DCX: variants seen among roughly 807,000 people sequenced by gnomAD.
The protein encoded by DCX is neuronal migration protein doublecortin.
Under a neutral mutation model 20.9 loss-of-function variants are expected in DCX, and 4 were observed. That is an observed-to-expected ratio of 0.19 (90% confidence interval 0.09 to 0.44). The LOEUF (loss-of-function observed/expected upper bound fraction) is 0.44, where lower values mean the gene tolerates loss of function less well. Ranked by LOEUF, DCX falls within the 20% of genes least tolerant of loss-of-function variation. DCX has a pLI of 0.99. For synonymous variants in DCX, 103 were observed against 111.4 expected, an observed-to-expected ratio of 0.92 and a Z score of 0.47; for missense variants, 133 against 296.9, an observed-to-expected ratio of 0.45 and a Z score of 4.06.
intron 5 of DCX, among the ~76,000 whole-genome samples, chrX:111,313,683 T>C (rs1186513390): frequency 1.8e-5 from 2 of 112,170 alleles, no homozygotes; most frequent in African/African-American, 6.5e-5. Flanking sequence ...ATGAGCTTTT[T>C]AATATCCAAT....
At position 111,296,767 on chromosome X, in the gene DCX, A is replaced by G. The variant is rs1387358494; in HGVS notation, c.*4920T>C. ...TAGGTGACAGAGGGAGACTCAGTCA[A>G]AAAAAAAAAAAAAAAAAAGTTAGTC... On this transcript the variant is annotated 3_prime_UTR_variant, in exon 7 of 7. Transcript: ENST00000636035. The G allele has an allele frequency of 9.7e-6, 1 of 102,794 alleles. No homozygotes were observed. Among genetic ancestry groups the G allele is most frequent in the Admixed American group, 1.0e-4 (1 of 9,559 alleles). The allele number at this position is 102,794 out of a possible 1,213,427, so 8.5% of individuals were successfully genotyped here.
intron 3 of DCX, among the ~76,000 whole-genome samples, chrX:111,360,180 A>T (rs922572421): frequency 1.1e-4 from 12 of 112,102 alleles, no homozygotes; most frequent in African/African-American, 3.2e-4. Flanking sequence ...AATAGCAAAG[A>T]CTTAGAAGCA....
At chrX:111,353,751 C>T (rs1923510365) in intron 3 of DCX, among the ~76,000 whole-genome samples, 3 of 111,564 alleles carry the variant, frequency 2.7e-5, no homozygotes, top group Admixed American at 9.5e-5. Context: ...TCAGCCACCA[C>T]GGTAACTGTT....
chrX:111,327,451 C>T (rs1381647117), intron 5 of DCX, among the ~76,000 whole-genome samples: 1 of 111,926 alleles, frequency 8.9e-6, no homozygotes, highest in Non-Finnish European at 1.9e-5. Context: ...AAATTTATGC[C>T]ATATGAAAAG....
chrX:111,408,682 GAAAGAAAGAAA>G (rs1928446700), intron 2 of DCX, among the ~76,000 whole-genome samples: 1 of 109,792 alleles, frequency 9.1e-6, no homozygotes, highest in African/African-American at 3.3e-5. Flanking sequence ...AAGAAAGAAA[GAAAGAAAGAAA>G]GGAAGGAAGT....
intron 3 of DCX, among the ~76,000 whole-genome samples, chrX:111,342,885 C>T (rs928450304): frequency 9.0e-6 from 1 of 111,162 alleles, no homozygotes; most frequent in Non-Finnish European, 1.9e-5. Flanking sequence ...AAAGAGACTA[C>T]GTACCAGAAT....
rs1745933447 is a variant in DCX, at chrX:111,297,238, C to A, written c.*4449G>T. On this transcript the variant is annotated 3_prime_UTR_variant, in exon 7 of 7. Transcript: ENST00000636035. Reference sequence around the variant, plus strand: ...TAAAAGAAGTCGTTCAAACCACTGTCCCAGTGTTTCTATCTGGGGAAGTCT... The same window carrying A: ...TAAAAGAAGTCGTTCAAACCACTGTACCAGTGTTTCTATCTGGGGAAGTCT... The A allele has an allele frequency of 8.9e-6, 1 of 112,204 alleles. No homozygotes were observed. Among genetic ancestry groups the A allele is most frequent in the Non-Finnish European group, 1.9e-5 (1 of 53,266 alleles). The allele number at this position is 112,204 out of a possible 1,213,427, so 9.2% of individuals were successfully genotyped here.
chrX:111,332,987 G>T, intron 4 of DCX, 64 bp downstream of exon 4: 1 of 860,276 alleles, frequency 1.2e-6, no homozygotes, highest in Non-Finnish European at 1.7e-6. Flanking sequence ...ACAAACCCAT[G>T]GAAATCCTAA....
intron 5 of DCX, among the ~76,000 whole-genome samples, chrX:111,321,695 C>T (rs1017027532): frequency 9.0e-6 from 1 of 111,224 alleles, no homozygotes; most frequent in Non-Finnish European, 1.9e-5. Flanking sequence ...GCTAAACTCC[C>T]AAACTGTGGA....
intron 1 of DCX, chrX:111,411,067 A>C (rs1569498726): frequency 6.4e-5 from 51 of 791,657 alleles, no homozygotes; most frequent in African/African-American, 2.0e-5. Context: ...CCTCCAGGGA[A>C]CAGCCAGTGT....
chrX:111,369,516 T>C (rs1430976613), intron 3 of DCX, among the ~76,000 whole-genome samples: 5 of 111,458 alleles, frequency 4.5e-5, no homozygotes, highest in African/African-American at 1.6e-4. Context: ...TATACAGTAA[T>C]TCATATATTT....
intron 6 of DCX, among the ~76,000 whole-genome samples, chrX:111,309,277 G>C (rs1340902803): frequency 2.7e-5 from 3 of 112,344 alleles, no homozygotes; most frequent in Non-Finnish European, 5.6e-5. Context: ...GGGATGCTGG[G>C]ACTTCAAGTT....
chrX:111,365,581 T>C (rs1924557064), intron 3 of DCX, among the ~76,000 whole-genome samples: 1 of 110,953 alleles, frequency 9.0e-6, no homozygotes, highest in African/African-American at 3.3e-5. Flanking sequence ...ATTTATTCTG[T>C]TTTTTGTACC....
In DCX at chrX:111,331,734, C is replaced by A. The variant is rs191724049; in HGVS notation, c.809-693G>T. Among the ~76,000 whole-genome samples, 404 of 112,182 alleles carry A rather than the reference C, an allele frequency of 3.6e-3. 3 individuals are homozygous for A. The highest frequency in any genetic ancestry group is 0.012 in the African/African-American group (384 of 30,892). On this transcript the variant is annotated intron_variant, in intron 4 of 6. Transcript: ENST00000636035. ...TATTTGCCCTAGCCTCAGTCTGACA[C>A]CTTTGGAACACCCTTTCTATGCAGG...
intron 6 of DCX, among the ~76,000 whole-genome samples, chrX:111,302,631 A>G (rs1050502441): frequency 1.8e-5 from 2 of 111,071 alleles, no homozygotes; most frequent in African/African-American, 6.5e-5. Flanking sequence ...TGTTTTTATT[A>G]TTTTTCATTT....
At chrX:111,324,164 GA>G (rs1442298386) in intron 5 of DCX, among the ~76,000 whole-genome samples, 1 of 111,809 alleles carries the variant, frequency 8.9e-6, no homozygotes, top group Non-Finnish European at 1.9e-5. Context: ...CTGACATCCA[GA>G]AGGAAGATCG....
At chrX:111,307,708 C>A (rs2095048638) in intron 6 of DCX, among the ~76,000 whole-genome samples, 1 of 111,757 alleles carries the variant, frequency 8.9e-6, no homozygotes, top group African/African-American at 3.3e-5. Flanking sequence ...TTAATGAACT[C>A]CCTGGGTATT....
In DCX at chrX:111,386,962, G is replaced by A. The variant is rs746864226; in HGVS notation, c.705+14028C>T. On this transcript the variant is annotated intron_variant, in intron 3 of 6. Transcript: ENST00000636035. ...GTTTTATTACCATGCTTTGAATAGC[G>A]GGTAACACATGTTAGAACAAAGGAA... Among the ~76,000 whole-genome samples the A allele has an allele frequency of 2.8e-4, 31 of 111,311 alleles. 1 individual carries two copies. Among genetic ancestry groups the A allele is most frequent in the Admixed American group, 4.7e-4 (5 of 10,537 alleles).
At chrX:111,334,553 AG>A (rs1921547211) in intron 3 of DCX, among the ~76,000 whole-genome samples, 1 of 112,511 alleles carries the variant, frequency 8.9e-6, no homozygotes, top group Non-Finnish European at 1.9e-5. Flanking sequence ...AAGAAACTCT[AG>A]AAGTCAGTAT....
Sources: allele counts gnomAD v4.1 joint callset (sites outside exome capture counted in the v4.1 genomes callset), GRCh38; gene constraint gnomAD v4.1.1; transcripts MANE v1.5; gene names NCBI Gene and HGNC (gene_info 2026-07-23, HGNC 2026-07-21).